KATNAL1: variants seen among roughly 807,000 people sequenced by gnomAD.
KATNAL1 encodes the protein katanin p60 ATPase-containing subunit A-like 1.
In KATNAL1, 32 loss-of-function variants were observed where a neutral mutation model predicts 55.2. The observed-to-expected ratio is 0.58, with a 90% CI of 0.44 to 0.78. The LOEUF (loss-of-function observed/expected upper bound fraction) is 0.78. Ranked by LOEUF, KATNAL1 falls within the 30% of genes least tolerant of loss-of-function variation. The pLI is 0.00. For synonymous variants in KATNAL1, 193 were observed against 193.6 expected (o/e 1.00, Z 0.02); for missense variants, 466 against 600.9 (o/e 0.78, Z 2.35).
chr13:30,255,366 T>C (rs777817002), intron 4 of KATNAL1, 81 bp downstream of exon 4: 64 of 1,203,552 alleles, frequency 5.3e-5, no homozygotes, highest in African/African-American at 1.1e-4. Flanking sequence ...CCAGGGTATC[T>C]TGAAAAGCCA....
chr13:30,274,806 G>A (rs713280), intron 3 of KATNAL1, among the ~76,000 whole-genome samples: 32,231 of 151,898 alleles, frequency 0.21, 3,713 homozygotes, highest in East Asian at 0.3. Context: ...GCCAAATATG[G>A]AAACAAACTA....
chr13:30,267,016 G>A (rs1243180030), intron 3 of KATNAL1, among the ~76,000 whole-genome samples: 1 of 152,160 alleles, frequency 6.6e-6, no homozygotes, highest in African/African-American at 2.4e-5. Flanking sequence ...GAGTTGCTAA[G>A]CCATTCATTC....
chr13:30,274,891 A>ACATACGCGCGCGCGCGCGCGCG (rs55740915), intron 3 of KATNAL1, among the ~76,000 whole-genome samples: 1 of 122,130 alleles, frequency 8.2e-6, no homozygotes, highest in Non-Finnish European at 1.7e-5. Flanking sequence ...GCACACACAT[A>ACATACGCGCGCGCGCGCGCGCG]CGCGCGCGCG....
At chr13:30,261,450 G>C (rs2137478186) in intron 3 of KATNAL1, among the ~76,000 whole-genome samples, 1 of 152,296 alleles carries the variant, frequency 6.6e-6, no homozygotes, top group African/African-American at 2.4e-5. Context: ...AGACCCATCA[G>C]TGTGCTGTAT....
intron 9 of KATNAL1, among the ~76,000 whole-genome samples, chr13:30,216,188 C>T (rs1874208488): frequency 6.6e-6 from 1 of 152,064 alleles, no homozygotes; most frequent in Admixed American, 6.6e-5. Context: ...GGAGGTAAAA[C>T]TTTGCTTGGG....
At chr13:30,233,625 C>T (rs555551310) in intron 6 of KATNAL1, among the ~76,000 whole-genome samples, 2 of 151,198 alleles carry the variant, frequency 1.3e-5, no homozygotes, top group South Asian at 2.1e-4. Flanking sequence ...ATCGATATGT[C>T]GAAGAATTAT....
intron 6 of KATNAL1, among the ~76,000 whole-genome samples, chr13:30,232,938 C>T (rs908499977): frequency 6.6e-6 from 1 of 152,102 alleles, no homozygotes; most frequent in Non-Finnish European, 1.5e-5. Context: ...TCACCATTTA[C>T]AAACATCAAA....
At chr13:30,294,671 A>C (rs544272997) in intron 1 of KATNAL1, among the ~76,000 whole-genome samples, 1 of 152,344 alleles carries the variant, frequency 6.6e-6, no homozygotes, top group African/African-American at 2.4e-5. Context: ...ACAGATTTTC[A>C]ATGTAGACAA....
At chr13:30,270,435 T>C (rs1480590572) in intron 3 of KATNAL1, among the ~76,000 whole-genome samples, 7 of 152,048 alleles carry the variant, frequency 4.6e-5, no homozygotes, top group Admixed American at 3.3e-4. Flanking sequence ...CAACAGCTCA[T>C]TGAGAACGGG....
intron 3 of KATNAL1, among the ~76,000 whole-genome samples, chr13:30,278,104 C>T (rs568483123): frequency 6.3e-4 from 92 of 145,376 alleles, no homozygotes; most frequent in African/African-American, 2.3e-3. Flanking sequence ...AAGTTTTAAA[C>T]TATTAATCCC....
chr13:30,243,608 C>CAAAAA (rs139687662), intron 4 of KATNAL1, among the ~76,000 whole-genome samples: 88 of 86,456 alleles, frequency 1.0e-3, no homozygotes, highest in African/African-American at 2.3e-3. Context: ...GGTATTAAGC[C>CAAAAA]AAAAAAAAAA....
At chr13:30,287,301 A>T (rs1480035059) in intron 1 of KATNAL1, among the ~76,000 whole-genome samples, 1 of 152,216 alleles carries the variant, frequency 6.6e-6, no homozygotes, top group Non-Finnish European at 1.5e-5. Flanking sequence ...TGACTGGATC[A>T]TGGGGGTGGT....
intron 3 of KATNAL1, among the ~76,000 whole-genome samples, chr13:30,271,931 G>A (rs1758393189): frequency 6.7e-6 from 1 of 149,460 alleles, no homozygotes; most frequent in Admixed American, 6.7e-5. Flanking sequence ...GAAGCCTTAG[G>A]AGGGAAAAAG....
chr13:30,250,364 A>T (rs1234761473), intron 4 of KATNAL1, among the ~76,000 whole-genome samples: 2 of 152,228 alleles, frequency 1.3e-5, no homozygotes, highest in Non-Finnish European at 1.5e-5. Flanking sequence ...CAATGAGTAA[A>T]GCTCTAGCAT....
At chr13:30,304,788 ATATCTT>A (rs1216823720) in intron 1 of KATNAL1, among the ~76,000 whole-genome samples, 1 of 152,102 alleles carries the variant, frequency 6.6e-6, no homozygotes, top group African/African-American at 2.4e-5. Flanking sequence ...AACTCAACTA[ATATCTT>A]TATATTTCAC....
intron 3 of KATNAL1, among the ~76,000 whole-genome samples, chr13:30,272,866 CCT>C (rs1316032203): frequency 6.6e-6 from 1 of 152,168 alleles, no homozygotes; most frequent in Non-Finnish European, 1.5e-5. Context: ...TGAAAAACAC[CCT>C]CTGTTCTCAA....
intron 3 of KATNAL1, among the ~76,000 whole-genome samples, chr13:30,277,591 T>G (rs1880937015): frequency 6.6e-6 from 1 of 152,250 alleles, no homozygotes; most frequent in Admixed American, 6.5e-5. Context: ...AAAATATTAT[T>G]ATACAACTCT....
At chr13:30,263,116 A>T (rs1879445612) in intron 3 of KATNAL1, among the ~76,000 whole-genome samples, 3 of 152,190 alleles carry the variant, frequency 2.0e-5, no homozygotes, top group Admixed American at 2.0e-4. Flanking sequence ...CATAGACAAA[A>T]ACCACATGAT....
chr13:30,280,218 C>A lies in KATNAL1; in HGVS notation c.168G>T (p.Arg56=). Residue 56 remains arginine, a synonymous_variant, in exon 3 of 11, where the codon CGG becomes CGT. Coordinates refer to ENST00000380615, the MANE Select transcript of KATNAL1 (RefSeq NM_032116.5). ...GTTCATATTCCTCCAATAATTCCTG[C>A]CGAACCTTAAAAAAAAAAAATAGGC... The part of the protein sequence containing the change: ...PAIKGKWQQV[R]QELLEEYEQV... 6.4e-7 allele frequency: 1 copy of A among 1,568,840 alleles called. No individual in the cohort carries two copies. The highest frequency in any genetic ancestry group is 2.1e-5 in the Admixed American group (1 of 48,574).
Sources: gnomAD v4.1 joint callset for allele counts (sites outside exome capture counted in the v4.1 genomes callset) on GRCh38, gnomAD v4.1.1 for gene constraint, MANE v1.5 for transcripts, NCBI Gene and HGNC (gene_info 2026-07-23, HGNC 2026-07-21) for gene names.